Variants in BAZ2B observed in about 807,000 individuals in gnomAD.
BAZ2B encodes bromodomain adjacent to zinc finger domain protein 2B.
In BAZ2B, 91 loss-of-function variants were observed where a neutral mutation model predicts 246.0. The ratio of observed to expected loss-of-function variants is 0.37; its 90% CI spans 0.31 to 0.44. BAZ2B has a LOEUF of 0.44. BAZ2B is among the 20% of genes least tolerant of loss of function. The pLI, the probability that BAZ2B is intolerant of heterozygous loss-of-function variation, is 1.00. For missense variants in BAZ2B, 2,332 were observed against 2,533.7 expected, an observed-to-expected ratio of 0.92 and a Z score of 1.71; for synonymous variants, 855 against 860.0, an observed-to-expected ratio of 0.99 and a Z score of 0.10.
At chr2:159,484,177 T>G (rs1412150805) in intron 2 of BAZ2B, among the ~76,000 whole-genome samples, 4 of 152,188 alleles carry the variant, frequency 2.6e-5, no homozygotes, top group Admixed American at 2.6e-4. Flanking sequence ...CAAACTAAGT[T>G]GTTAGTGTTG....
At chr2:159,389,128 A>ACC (rs58342810) in intron 21 of BAZ2B, among the ~76,000 whole-genome samples, 12,970 of 145,780 alleles carry the variant, frequency 0.089, 715 homozygotes, top group Non-Finnish European at 0.13. Flanking sequence ...CAACCAACCA[A>ACC]ACAAACAAAC....
intron 13 of BAZ2B, among the ~76,000 whole-genome samples, chr2:159,422,870 AC>A (rs2069020258): frequency 6.6e-6 from 1 of 152,102 alleles, no homozygotes; most frequent in African/African-American, 2.4e-5. Flanking sequence ...ACAAAAAATA[AC>A]CCCATTAAAA....
In BAZ2B at chr2:159,383,670, T is replaced by C. The variant is rs1368124028; in HGVS notation, c.3697A>G (p.Lys1233Glu). 1 of 1,610,916 alleles carries C rather than the reference T, an allele frequency of 6.2e-7. No homozygotes were observed. Among genetic ancestry groups the C allele is most frequent in the East Asian group, 2.2e-5 (1 of 44,660 alleles). ...CSKSVVSEID[K>E]NIDYMSNLRR... is the part of the protein sequence containing the mutation. ...AAGTTTGACATATAATCAATGTTCT[T>C]GTCGATTTCACTGCCAATGCAAGAA... is the stretch of plus-strand genomic sequence containing the variant. Residue 1233 changes from lysine to glutamate, a missense_variant, in exon 24 of 37, where the codon AAG becomes GAG. Coordinates refer to ENST00000392783, the MANE Select transcript of BAZ2B (RefSeq NM_013450.4).
intron 1 of BAZ2B, among the ~76,000 whole-genome samples, chr2:159,563,457 T>C (rs767662832): frequency 2.6e-5 from 4 of 152,214 alleles, no homozygotes; most frequent in Non-Finnish European, 5.9e-5. Context: ...GTGTAAGGCA[T>C]ACATACAATT....
Position 159,333,882 on chromosome 2 carries a change from C to T in BAZ2B, c.5797-1196G>A, listed in dbSNP as rs72621689. On this transcript the variant is annotated intron_variant, in intron 33 of 36. Coordinates refer to ENST00000392783, the MANE Select transcript of BAZ2B (RefSeq NM_013450.4). Reference sequence around the variant, plus strand: ...GTATATACTATATATTTCATATTAACATTGGCGCGGTTACCAAGGGCAAAA... The same window carrying T: ...GTATATACTATATATTTCATATTAATATTGGCGCGGTTACCAAGGGCAAAA... Among the ~76,000 whole-genome samples the T allele has an allele frequency of 6.1e-3, 933 of 152,170 alleles. 50 individuals carry two copies. The East Asian group carries it at 0.14, about 23-fold the overall frequency.
At chr2:159,339,503 G>A (rs73967819) in intron 31 of BAZ2B, among the ~76,000 whole-genome samples, 2,515 of 152,232 alleles carry the variant, frequency 0.017, 57 homozygotes, top group African/African-American at 0.055. Context: ...ATGAAAAACA[G>A]TGTGAAAGTT....
At chr2:159,358,329 C>G (rs896206797) in intron 27 of BAZ2B, among the ~76,000 whole-genome samples, 1 of 152,086 alleles carries the variant, frequency 6.6e-6, no homozygotes, top group African/African-American at 2.4e-5. Context: ...TCTGATAAAA[C>G]AGACTTTAAA....
chr2:159,414,662 C>A (rs1193966350), intron 13 of BAZ2B, among the ~76,000 whole-genome samples: 1 of 151,710 alleles, frequency 6.6e-6, no homozygotes, highest in Non-Finnish European at 1.5e-5. Context: ...ACTAAAAACA[C>A]AAAAATTAGC....
At chr2:159,593,216 T>G (rs1299210623) in intron 1 of BAZ2B, among the ~76,000 whole-genome samples, 1 of 152,234 alleles carries the variant, frequency 6.6e-6, no homozygotes, top group Non-Finnish European at 1.5e-5. Context: ...TATTTCCACC[T>G]TTAAATCTAT....
At chr2:159,541,663 A>G (rs2086678566) in intron 2 of BAZ2B, among the ~76,000 whole-genome samples, 1 of 152,114 alleles carries the variant, frequency 6.6e-6, no homozygotes, top group Admixed American at 6.6e-5. Context: ...TCAAACTGCA[A>G]TCCTTGCTCT....
At chr2:159,429,327 G>T in intron 10 of BAZ2B, 67 bp from the exon 11 acceptor site, 1 of 974,304 alleles carries the variant, frequency 1.0e-6, no homozygotes, top group South Asian at 2.4e-5. Context: ...TGATAGTTTA[G>T]AAACTTTTCT....
At chr2:159,461,383 A>C (rs2150598628) in intron 3 of BAZ2B, 1 of 152,752 alleles carries the variant, frequency 6.5e-6, no homozygotes, top group South Asian at 2.1e-4. Flanking sequence ...AGGAAGAGTA[A>C]TCTGAAATAA....
At chr2:159,405,378 A>T (rs952221255) in intron 14 of BAZ2B, among the ~76,000 whole-genome samples, 1 of 151,952 alleles carries the variant, frequency 6.6e-6, no homozygotes, top group Non-Finnish European at 1.5e-5. Context: ...CACCCAGCTA[A>T]TTTTTGTATT....
chr2:159,348,781 C>T lies in BAZ2B; in HGVS notation c.5190G>A (p.Leu1730=), dbSNP rs755456277. 1.9e-6 allele frequency: 3 copies of T among 1,613,078 alleles called. No individual in the cohort carries two copies. Among genetic ancestry groups the T allele is most frequent in the Admixed American group, 1.7e-5 (1 of 59,788 alleles). Residue 1730 remains leucine (L), a synonymous_variant, in exon 30 of 37, where the codon TTG becomes TTA. Coordinates refer to ENST00000392783, the MANE Select transcript of BAZ2B (RefSeq NM_013450.4). Reference sequence around the variant, plus strand: ...TTCCTCTGAGATGCAGCACTTTGAGCAAAGCTTTTAGGTCCTCTGGGTCAA... The same window carrying T: ...TTCCTCTGAGATGCAGCACTTTGAGTAAAGCTTTTAGGTCCTCTGGGTCAA... ...RIIDPEDLKA[L]LKVLHLRGIR...
Position 159,432,792 on chromosome 2 carries a change from T to C in BAZ2B, c.1865A>G (p.Asp622Gly). The C allele has an allele frequency of 6.2e-7, 1 of 1,613,420 alleles. No homozygotes were observed. The highest frequency in any genetic ancestry group is 8.5e-7 in the Non-Finnish European group (1 of 1,179,432). Residue 622 changes from aspartate (D) to glycine (G), a missense_variant, in exon 9 of 37, where the codon GAT becomes GGT. Coordinates refer to ENST00000392783, the MANE Select transcript of BAZ2B (RefSeq NM_013450.4). ...EEDDEEEDEE[D>G]DEDDESDDSQ... Reference sequence around the variant, plus strand: ...GTCATCAGATTCATCATCTTCATCATCTTCCTCATCTTCTTCTTCATCATC... The same window carrying C: ...GTCATCAGATTCATCATCTTCATCACCTTCCTCATCTTCTTCTTCATCATC...
chr2:159,572,301 T>C (rs1344411387), intron 1 of BAZ2B, among the ~76,000 whole-genome samples: 1 of 151,980 alleles, frequency 6.6e-6, no homozygotes. Flanking sequence ...CTGAAGGGGG[T>C]TGTGGGAACC....
chr2:159,569,376 CTTCCT>C, intron 1 of BAZ2B, among the ~76,000 whole-genome samples: 1 of 152,088 alleles, frequency 6.6e-6, no homozygotes, highest in East Asian at 1.9e-4. Flanking sequence ...AGATTCTGTT[CTTCCT>C]TTCCTTATAT....
intron 14 of BAZ2B, among the ~76,000 whole-genome samples, chr2:159,407,200 A>C (rs957672446): frequency 2.0e-5 from 3 of 151,598 alleles, no homozygotes; most frequent in Admixed American, 1.3e-4. Flanking sequence ...GGCTGGGCAC[A>C]GTGGCTCATG....
intron 2 of BAZ2B, among the ~76,000 whole-genome samples, chr2:159,506,704 C>T (rs1394854022): frequency 2.6e-5 from 4 of 152,126 alleles, no homozygotes; most frequent in African/African-American, 7.2e-5. Flanking sequence ...GAATACAGGA[C>T]CAACAAGGGA....
Sources: gnomAD v4.1 joint callset for allele counts (sites outside exome capture counted in the v4.1 genomes callset) on GRCh38, gnomAD v4.1.1 for gene constraint, MANE v1.5 for transcripts, NCBI Gene and HGNC (gene_info 2026-07-23, HGNC 2026-07-21) for gene names.